The following CHRM3 variants were observed in gnomAD, a reference collection of about 807,000 sequenced individuals.
CHRM3 encodes muscarinic acetylcholine receptor M3.
CHRM3 carries 11 observed loss-of-function variants against 41.8 expected under a neutral mutation model. The observed-to-expected ratio is 0.26, with a 90% CI of 0.17 to 0.44. The LOEUF is 0.44. CHRM3 is among the 20% of genes least tolerant of loss of function. The pLI is 1.00. For synonymous variants in CHRM3, 297 were observed against 301.4 expected (o/e 0.99, Z 0.15); for missense variants, 571 against 745.4 (o/e 0.77, Z 2.72).
intron 4 of CHRM3, among the ~76,000 whole-genome samples, chr1:239,643,902 G>T (rs1316147489): frequency 6.6e-6 from 1 of 152,182 alleles, no homozygotes; most frequent in South Asian, 2.1e-4. Context: ...TTCCTATTCG[G>T]CCATCTTCTC....
At chr1:239,465,873 T>G (rs1242423734) in intron 1 of CHRM3, among the ~76,000 whole-genome samples, 2 of 152,114 alleles carry the variant, frequency 1.3e-5, no homozygotes, top group Admixed American at 6.6e-5. Context: ...TTCCACCTCT[T>G]TCACCCCTGC....
chr1:239,423,166 A>T (rs1662090547), intron 1 of CHRM3, among the ~76,000 whole-genome samples: 1 of 152,206 alleles, frequency 6.6e-6, no homozygotes, highest in East Asian at 1.9e-4. Flanking sequence ...TCAGGAAAAG[A>T]TTGAAATTCC....
intron 6 of CHRM3, among the ~76,000 whole-genome samples, chr1:239,830,570 G>A (rs977442217): frequency 2.0e-5 from 3 of 152,150 alleles, no homozygotes; most frequent in Non-Finnish European, 1.5e-5. Flanking sequence ...CAGGTGTGGT[G>A]GCGCGTGCCT....
At chr1:239,713,967 G>T (rs1249289263) in intron 5 of CHRM3, among the ~76,000 whole-genome samples, 1 of 152,112 alleles carries the variant, frequency 6.6e-6, no homozygotes, top group Admixed American at 6.6e-5. Context: ...TAATACGGCA[G>T]ATTTCTTTCA....
At chr1:239,643,838 C>T (rs1671478859) in intron 4 of CHRM3, among the ~76,000 whole-genome samples, 1 of 152,178 alleles carries the variant, frequency 6.6e-6, no homozygotes, top group African/African-American at 2.4e-5. Flanking sequence ...GGTGGAAATG[C>T]AGAAATCACC....
intron 5 of CHRM3, among the ~76,000 whole-genome samples, chr1:239,723,286 G>C (rs1047348836): frequency 6.6e-6 from 1 of 151,734 alleles, no homozygotes; most frequent in Non-Finnish European, 1.5e-5. Context: ...GTATTCTAAG[G>C]ATAAAATAAG....
intron 1 of CHRM3, among the ~76,000 whole-genome samples, chr1:239,421,724 G>T (rs902330664): frequency 6.6e-6 from 1 of 152,066 alleles, no homozygotes; most frequent in Non-Finnish European, 1.5e-5. Flanking sequence ...CAACCATCAG[G>T]GTGAAGCTTA....
intron 1 of CHRM3, among the ~76,000 whole-genome samples, chr1:239,414,991 A>G (rs755337307): frequency 6.6e-6 from 1 of 152,242 alleles, no homozygotes; most frequent in Non-Finnish European, 1.5e-5. Flanking sequence ...TAATAGCTGA[A>G]TATAATGAAC....
intron 1 of CHRM3, among the ~76,000 whole-genome samples, chr1:239,410,913 T>G (rs568655840): frequency 6.6e-6 from 1 of 152,364 alleles, no homozygotes; most frequent in East Asian, 1.9e-4. Context: ...TCACTGTTTT[T>G]TTCAGCCTCA....
chr1:239,788,626 C>T (rs545752836), intron 5 of CHRM3, among the ~76,000 whole-genome samples: 7 of 152,070 alleles, frequency 4.6e-5, no homozygotes, highest in Middle Eastern at 3.4e-3. Flanking sequence ...ATTAGCCAGG[C>T]GTGGTGGTAG....
chr1:239,568,660 C>T (rs548520052), intron 3 of CHRM3, among the ~76,000 whole-genome samples: 1 of 152,114 alleles, frequency 6.6e-6, no homozygotes, highest in Admixed American at 6.5e-5. Context: ...ATCCCCTTAC[C>T]CTCAGCCTCC....
chr1:239,760,152 C>G (rs1040912388), intron 5 of CHRM3, among the ~76,000 whole-genome samples: 47 of 151,314 alleles, frequency 3.1e-4, no homozygotes, highest in Non-Finnish European at 5.9e-5. Context: ...GTCTCGATCT[C>G]CTGACCTCGT....
rs114747669 is a variant in CHRM3, at chr1:239,744,700, C to T, written c.-147+66412C>T. ...ATTTTACGTGCTCATTGAATATCCA[C>T]GGGGAGATGTTGAGGAGGCACATAG... On this transcript the variant is annotated intron_variant, in intron 5 of 6. Coordinates refer to ENST00000676153, the MANE Select transcript of CHRM3 (RefSeq NM_001375978.1). Among the ~76,000 whole-genome samples the T allele has an allele frequency of 1.0e-2, 1,517 of 152,146 alleles. 24 individuals are homozygous for T. Among genetic ancestry groups the T allele is most frequent in the African/African-American group, 0.035 (1,440 of 41,504 alleles).
At chr1:239,673,089 C>T (rs573477622) in intron 4 of CHRM3, among the ~76,000 whole-genome samples, 1 of 152,268 alleles carries the variant, frequency 6.6e-6, no homozygotes, top group Non-Finnish European at 1.5e-5. Context: ...GCACGTTCTT[C>T]CTGCCCAGCA....
At chr1:239,719,603 C>CTGGGGAAT (rs1662734324) in intron 5 of CHRM3, 1 of 151,854 alleles carries the variant, frequency 6.6e-6, no homozygotes, top group Non-Finnish European at 1.5e-5. Flanking sequence ...GTCATCAGCT[C>CTGGGGAAT]TGGGGAATGT....
At chr1:239,870,117 A>C (rs1572543937) in intron 6 of CHRM3, among the ~76,000 whole-genome samples, 1 of 152,162 alleles carries the variant, frequency 6.6e-6, no homozygotes, top group East Asian at 1.9e-4. Flanking sequence ...TGCCCCTGGG[A>C]AGGTTCCTAG....
intron 5 of CHRM3, among the ~76,000 whole-genome samples, chr1:239,771,838 A>G (rs573879250): frequency 5.3e-5 from 8 of 152,316 alleles, no homozygotes; most frequent in East Asian, 1.9e-4. Context: ...AAATATGCAG[A>G]TATGAAAAGC....
intron 5 of CHRM3, among the ~76,000 whole-genome samples, chr1:239,702,384 C>T (rs1202992841): frequency 6.6e-6 from 1 of 152,158 alleles, no homozygotes; most frequent in Admixed American, 6.5e-5. Context: ...GTTTTGCAAA[C>T]ACTGTACACA....
At chr1:239,743,754 A>G (rs368253408) in intron 5 of CHRM3, among the ~76,000 whole-genome samples, 3 of 134,556 alleles carry the variant, frequency 2.2e-5, no homozygotes, top group African/African-American at 5.6e-5. Context: ...TGCCTCAGTG[A>G]TCTTCTTTTT....
Sources: allele counts gnomAD v4.1 joint callset (sites outside exome capture counted in the v4.1 genomes callset), GRCh38; gene constraint gnomAD v4.1.1; transcripts MANE v1.5; gene names NCBI Gene and HGNC (gene_info 2026-07-23, HGNC 2026-07-21).